The following SH2B2 variants were observed in gnomAD, a reference collection of about 807,000 sequenced individuals.
The protein encoded by SH2B2 is SH2B adaptor protein 2, also known as SH2B adapter protein 2.
SH2B2 carries 37 observed loss-of-function variants against 35.7 expected under a neutral mutation model. That is an observed-to-expected ratio of 1.04 (90% CI 0.80 to 1.36). The LOEUF is 1.36. SH2B2 is among the 40% of genes most tolerant of loss of function. The probability of loss-of-function intolerance (pLI) is 0.00; values close to 1 mark genes in which losing one functional copy is unlikely to be tolerated. For missense variants in SH2B2, 852 were observed against 817.7 expected (o/e 1.04, Z -0.51); for synonymous variants, 383 against 376.4 (o/e 1.02, Z -0.20).
At chr7:102,306,905 C>T (rs539447609) in intron 3 of SH2B2, 83 bp downstream of exon 3, 3 of 1,120,836 alleles carry the variant, frequency 2.7e-6, no homozygotes, top group South Asian at 1.3e-5. Context: ...CCTAGGGGAG[C>T]GAGGGGAAGG....
chr7:102,285,258 G>A (rs781894354), upstream of SH2B2: 1 of 1,549,854 alleles, frequency 6.5e-7, no homozygotes, highest in South Asian at 1.2e-5. Flanking sequence ...CTCTGAACCA[G>A]GTTAGTCCAC....
intron 1 of SH2B2, among the ~76,000 whole-genome samples, chr7:102,293,520 G>C (rs1792772769): frequency 6.6e-6 from 1 of 150,978 alleles, no homozygotes; most frequent in Non-Finnish European, 1.5e-5. Flanking sequence ...GCCCAGCTGA[G>C]CCTAGAAAAA....
intron 3 of SH2B2, among the ~76,000 whole-genome samples, chr7:102,308,423 GC>G (rs1554555289): frequency 6.6e-6 from 1 of 152,214 alleles, no homozygotes; most frequent in Non-Finnish European, 1.5e-5. Context: ...TACTCAGTGT[GC>G]TTGGCCAGCC....
chr7:102,312,223 T>G (rs957051663), intron 4 of SH2B2, among the ~76,000 whole-genome samples: 3 of 150,804 alleles, frequency 2.0e-5, no homozygotes, highest in African/African-American at 4.9e-5. Context: ...AATACAAAAA[T>G]TAGCTGGGCC....
chr7:102,301,156 C>G lies in SH2B2; in HGVS notation c.606C>G (p.Phe202Leu). The part of the protein sequence containing the change: ...VDIQREGALR[F>L]MVADDAAAGS... ...TTCAACGCGAGGGGGCGCTGCGCTT[C>G]ATGGTGGCCGACGACGCGGCCGCGG... Residue 202 changes from phenylalanine (F) to leucine (L), a missense_variant, in exon 2 of 9, where the codon TTC becomes TTG. Around this residue, in one of 3 missense-constraint regions of SH2B2, gnomAD observed 556 missense variants for 514.5 expected, o/e 1.08. Transcript: ENST00000444095. 6.4e-7 allele frequency: 1 copy of G among 1,565,486 alleles called. No individual in the cohort carries two copies. The highest frequency in any genetic ancestry group is 1.2e-5 in the South Asian group (1 of 85,564).
intron 7 of SH2B2, among the ~76,000 whole-genome samples, chr7:102,317,649 C>T (rs1554557370): frequency 1.3e-5 from 2 of 152,216 alleles, no homozygotes; most frequent in Admixed American, 1.3e-4. Flanking sequence ...CTACTGGCGG[C>T]TGAGCCCTCA....
At chr7:102,299,353 C>T (rs1793058562) in intron 1 of SH2B2, among the ~76,000 whole-genome samples, 1 of 151,196 alleles carries the variant, frequency 6.6e-6, no homozygotes, top group African/African-American at 2.4e-5. Flanking sequence ...CATATGCCAC[C>T]ATGCCCAGCT....
At chr7:102,311,662 A>AAT (rs1554556089) in intron 4 of SH2B2, among the ~76,000 whole-genome samples, 1 of 151,246 alleles carries the variant, frequency 6.6e-6, no homozygotes, top group Non-Finnish European at 1.5e-5. Flanking sequence ...CGGCCTCCCA[A>AAT]AGCACTGGGA....
intron 1 of SH2B2, among the ~76,000 whole-genome samples, chr7:102,295,153 G>A (rs4729779): frequency 0.094 from 14,251 of 152,212 alleles, 809 homozygotes; most frequent in Middle Eastern, 0.17. Context: ...AGCTGGGGGC[G>A]ACAGGGATTG....
In SH2B2 at chr7:102,320,344, C is replaced by T; in HGVS notation, c.1409C>T (p.Ser470Phe). The T allele has an allele frequency of 8.7e-6, 14 of 1,611,714 alleles. No individual in the cohort carries two copies. Among genetic ancestry groups the T allele is most frequent in the Non-Finnish European group, 1.1e-5 (13 of 1,179,842 alleles). Residue 470 changes from serine to phenylalanine, a missense_variant, in exon 8 of 9, where the codon TCC (serine) becomes TTC (phenylalanine). By Grantham distance (155) the Ser-to-Phe change is radical. Coordinates refer to ENST00000444095, the MANE Select transcript of SH2B2 (RefSeq NM_001359228.2). ...FQGKAKHLRL[S>F]LNGHGQCHVQ... Reference sequence around the variant, plus strand: ...CTGTACCCACAGCACCTGCGCCTGTCCCTGAACGGCCACGGCCAGTGTCAC... The same window carrying T: ...CTGTACCCACAGCACCTGCGCCTGTTCCTGAACGGCCACGGCCAGTGTCAC...
chr7:102,288,496 G>A (rs370710909), intron 1 of SH2B2, among the ~76,000 whole-genome samples: 11 of 152,116 alleles, frequency 7.2e-5, no homozygotes, highest in African/African-American at 2.2e-4. Context: ...AGGTAATCAA[G>A]GGTTAATGCA....
rs144574602 is a variant in SH2B2 at position 102,295,541 on chromosome 7, C to A, written c.-29-4981C>A. 1.7e-3 allele frequency among the ~76,000 whole-genome samples: 263 copies of A among 152,260 alleles called. 1 individual carries two copies. Among genetic ancestry groups the A allele is most frequent in the East Asian group, 0.014 (74 of 5,176 alleles). Reference sequence around the variant, plus strand: ...CCGTCTCCACCCCTCAGGGAAGAAGCAAGTTCCAGGAGCCTGGACTTTTGC... The same window carrying A: ...CCGTCTCCACCCCTCAGGGAAGAAGAAAGTTCCAGGAGCCTGGACTTTTGC... On this transcript the variant is annotated intron_variant, in intron 1 of 8. Coordinates refer to ENST00000444095, the MANE Select transcript of SH2B2 (RefSeq NM_001359228.2).
Position 102,320,436 on chromosome 7 carries a change from C to A in SH2B2, c.1501C>A (p.Leu501Met). 1 of 1,613,846 alleles carries A rather than the reference C, an allele frequency of 6.2e-7. No individual in the cohort carries two copies. Among genetic ancestry groups the A allele is most frequent in the Non-Finnish European group, 8.5e-7 (1 of 1,179,882 alleles). ...LRHFHTHPIP[L>M]ESGGSADITL... ...CCACTTCCACACACACCCCATCCCA[C>A]TGGAGTCAGGGGGCTCGGCCGACAT... is the stretch of plus-strand genomic sequence containing the variant. The change falls in exon 8 of 9, where the codon CTG becomes ATG. Residue 501 changes from leucine to methionine, a missense_variant. This residue lies in a region of SH2B2 where 556 missense variants were observed against 514.5 expected (regional missense o/e 1.08). Transcript: ENST00000444095.
At chr7:102,312,394 A>G (rs1793663214) in intron 4 of SH2B2, among the ~76,000 whole-genome samples, 1 of 152,196 alleles carries the variant, frequency 6.6e-6, no homozygotes, top group African/African-American at 2.4e-5. Context: ...ATACAGGGAA[A>G]TGGTCCATTT....
At position 102,297,607 on chromosome 7, in the gene SH2B2, A is replaced by G. The variant is rs548803965; in HGVS notation, c.-29-2915A>G. Among the ~76,000 whole-genome samples the G allele has an allele frequency of 3.9e-5, 6 of 152,284 alleles. No individual in the cohort carries two copies. The highest frequency in any genetic ancestry group is 3.3e-4 in the Admixed American group (5 of 15,304). On this transcript the variant is annotated intron_variant, in intron 1 of 8. Transcript: ENST00000444095. The surrounding 1 kb of genome is among the most constrained non-coding windows in gnomAD (Gnocchi z 4.3). ...CCCTGGACCTGTCTTGTCACTAACA[A>G]GCTGTTTGTCCTTAGGCCCCAAGTG...
chr7:102,320,298 C>A (rs1422773100), intron 7 of SH2B2, 33 bp from the exon 8 acceptor site: 1 of 1,576,856 alleles, frequency 6.3e-7, no homozygotes, highest in African/African-American at 1.3e-5. Flanking sequence ...CAGCCCCGGA[C>A]CTGCCCCTGA....
rs1470930178 is a variant in SH2B2, at chr7:102,314,414, G to C, written c.1002G>C (p.Glu334Asp). The C allele has an allele frequency of 7.5e-6, 3 of 398,738 alleles. No individual in the cohort carries two copies. Among genetic ancestry groups the C allele is most frequent in the African/African-American group, 4.1e-5 (2 of 48,614 alleles). The allele number at this position is 398,738 out of a possible 1,614,324, so 24.7% of individuals were successfully genotyped here. Residue 334 changes from glutamate (E) to aspartate (D), a missense_variant, in exon 5 of 9, where the codon GAG becomes GAC. Coordinates refer to ENST00000444095, the MANE Select transcript of SH2B2 (RefSeq NM_001359228.2). ...LASRVASCSC[E>D]LLTDAVDLPR... ...GCCGCGTGGCCTCCTGCAGCTGTGAGCTCCTGACTGATGGTAGGTAGGGGG... is the reference window on the plus strand; with the variant it reads ...GCCGCGTGGCCTCCTGCAGCTGTGACCTCCTGACTGATGGTAGGTAGGGGG...
At chr7:102,309,353 CTCTTTT>C in intron 4 of SH2B2, 8 of 272,124 alleles carry the variant, frequency 2.9e-5, no homozygotes, top group South Asian at 5.9e-5. Context: ...CTCTCTCTCT[CTCTTTT>C]TTTTTTTTTT....
chr7:102,295,692 T>C (rs1466710895), intron 1 of SH2B2, among the ~76,000 whole-genome samples: 1 of 152,140 alleles, frequency 6.6e-6, no homozygotes, highest in East Asian at 1.9e-4. Context: ...GAGACACTTG[T>C]GCTGGCCTGG....
Sources: allele counts gnomAD v4.1 joint callset (sites outside exome capture counted in the v4.1 genomes callset), GRCh38; gene constraint gnomAD v4.1.1; regional missense constraint gnomAD v4.1.1; non-coding constraint Gnocchi (gnomAD v3.1); transcripts MANE v1.5; gene names NCBI Gene and HGNC (gene_info 2026-07-23, HGNC 2026-07-21).